Variants in SORCS2 observed in about 807,000 individuals in gnomAD.
SORCS2 encodes the protein VPS10 domain-containing receptor SorCS2.
Under a neutral mutation model 141.6 loss-of-function variants are expected in SORCS2, and 100 were observed. That is an observed-to-expected ratio of 0.71 (90% CI 0.60 to 0.83). SORCS2 has a LOEUF of 0.83. SORCS2 is among the 40% of genes least tolerant of loss of function. The probability of loss-of-function intolerance (pLI) is 0.00; values close to 1 mark genes in which losing one functional copy is unlikely to be tolerated. For synonymous variants in SORCS2, 789 were observed against 676.9 expected, an observed-to-expected ratio of 1.17 and a Z score of -2.57; for missense variants, 1,646 against 1,560.2, an observed-to-expected ratio of 1.05 and a Z score of -0.93.
chr4:7,637,823 A>G (rs56022132), intron 3 of SORCS2, among the ~76,000 whole-genome samples: 18,002 of 149,776 alleles, frequency 0.12, 1,362 homozygotes, highest in Middle Eastern at 0.22. Context: ...TGTAAGGAGA[A>G]GCCTGACCCA....
chr4:7,705,555 C>T (rs778129030), intron 14 of SORCS2, among the ~76,000 whole-genome samples: 1 of 152,244 alleles, frequency 6.6e-6, no homozygotes, highest in Non-Finnish European at 1.5e-5. Flanking sequence ...CAGGACCTGC[C>T]CTACCCATTT....
chr4:7,245,402 T>C (rs1222299243), intron 1 of SORCS2, among the ~76,000 whole-genome samples: 3 of 152,190 alleles, frequency 2.0e-5, no homozygotes, highest in South Asian at 4.1e-4. Context: ...TCAGGACTGA[T>C]ATGGAATTTT....
At chr4:7,709,842 G>A (rs1266481407) in intron 14 of SORCS2, among the ~76,000 whole-genome samples, 2 of 152,140 alleles carry the variant, frequency 1.3e-5, no homozygotes, top group Non-Finnish European at 2.9e-5. Flanking sequence ...AGCAGGGAGG[G>A]GTCCCCAGGC....
At chr4:7,296,836 C>T (rs887881863) in intron 1 of SORCS2, among the ~76,000 whole-genome samples, 3 of 152,174 alleles carry the variant, frequency 2.0e-5, no homozygotes, top group Admixed American at 6.5e-5. Context: ...TTCCCTCTAT[C>T]GCTCGGTAGT....
At chr4:7,336,988 G>C (rs951265364) in intron 1 of SORCS2, among the ~76,000 whole-genome samples, 1 of 152,182 alleles carries the variant, frequency 6.6e-6, no homozygotes, top group African/African-American at 2.4e-5. Context: ...GGTGAGGATT[G>C]ATTGAGCTGA....
intron 1 of SORCS2, among the ~76,000 whole-genome samples, chr4:7,319,171 G>T (rs543071674): frequency 5.0e-4 from 56 of 111,434 alleles, no homozygotes; most frequent in Admixed American, 3.3e-3. Context: ...GATTATAAAT[G>T]AGGTGTATTT....
chr4:7,483,912 A>G (rs553543953), intron 2 of SORCS2, among the ~76,000 whole-genome samples: 1 of 152,254 alleles, frequency 6.6e-6, no homozygotes, highest in Non-Finnish European at 1.5e-5. Context: ...CTTAAAGTGA[A>G]AAAACAAACA....
intron 3 of SORCS2, among the ~76,000 whole-genome samples, chr4:7,625,155 G>C (rs1168188509): frequency 6.6e-6 from 1 of 152,118 alleles, no homozygotes; most frequent in African/African-American, 2.4e-5. Context: ...CAATTGTCAG[G>C]CCAGTAATTA....
chr4:7,689,637 GAGTACCTCCAAT>G (rs749422156), intron 11 of SORCS2, 49 bp downstream of exon 11: 1 of 1,503,572 alleles, frequency 6.7e-7, no homozygotes, highest in African/African-American at 1.4e-5. Flanking sequence ...TACAGCCCAA[GAGTACCTCCAAT>G]CTTAAGGGTA....
At position 7,354,950 on chromosome 4, in the gene SORCS2, T is replaced by G. The variant is rs937066840; in HGVS notation, c.481-41338T>G. 2.0e-5 allele frequency among the ~76,000 whole-genome samples: 3 copies of G among 152,212 alleles called. 1 individual carries two copies. In the East Asian group the frequency reaches 5.8e-4, roughly 29 times the overall value. On this transcript the variant is annotated intron_variant, in intron 1 of 26. Transcript: ENST00000507866. ...GAATATTAGGTGGCTTTTATCAATA[T>G]TTTATTTATCCCAATCTCATCTTTT...
At chr4:7,385,096 CAG>C (rs1382946658) in intron 1 of SORCS2, among the ~76,000 whole-genome samples, 9 of 152,212 alleles carry the variant, frequency 5.9e-5, no homozygotes, top group Admixed American at 3.3e-4. Flanking sequence ...GGGTGGCACT[CAG>C]GGGTGTATGG....
At chr4:7,438,782 T>G (rs935090865) in intron 2 of SORCS2, among the ~76,000 whole-genome samples, 2 of 152,068 alleles carry the variant, frequency 1.3e-5, no homozygotes, top group African/African-American at 4.8e-5. Flanking sequence ...TGCTTCGAGG[T>G]TCTCACTACC....
At chr4:7,617,439 T>G (rs1718841448) in intron 3 of SORCS2, among the ~76,000 whole-genome samples, 1 of 152,200 alleles carries the variant, frequency 6.6e-6, no homozygotes, top group Non-Finnish European at 1.5e-5. Flanking sequence ...GCTCCTCATA[T>G]GCCTAGTTTC....
intron 2 of SORCS2, among the ~76,000 whole-genome samples, chr4:7,400,937 G>A (rs1377745369): frequency 6.6e-6 from 1 of 151,252 alleles, no homozygotes; most frequent in Non-Finnish European, 1.5e-5. Flanking sequence ...ATGGATGAAT[G>A]GATAGATAGA....
chr4:7,232,570 C>G (rs546311700), intron 1 of SORCS2, among the ~76,000 whole-genome samples: 2 of 152,206 alleles, frequency 1.3e-5, no homozygotes, highest in Non-Finnish European at 2.9e-5. Flanking sequence ...CCTCGTGGTC[C>G]GTGACCTTTA....
intron 3 of SORCS2, among the ~76,000 whole-genome samples, chr4:7,539,917 C>T (rs1712456577): frequency 6.7e-6 from 1 of 149,584 alleles, no homozygotes; most frequent in South Asian, 2.2e-4. Context: ...GTTGTGGAGG[C>T]CCCACCCCCT....
At position 7,374,381 on chromosome 4, in the gene SORCS2, G is replaced by A. The variant is rs117505034; in HGVS notation, c.481-21907G>A. ...AGAAGGGCAGTGCAAAGCTGAGCTCGTACCAGCCCGGGTCTGAAAGTGGCG... is the reference window on the plus strand; with the variant it reads ...AGAAGGGCAGTGCAAAGCTGAGCTCATACCAGCCCGGGTCTGAAAGTGGCG... On this transcript the variant is annotated intron_variant, in intron 1 of 26. Transcript: ENST00000507866. 7.4e-3 allele frequency among the ~76,000 whole-genome samples: 1,123 copies of A among 152,166 alleles called. 24 individuals are homozygous for A. The highest frequency in any genetic ancestry group is 0.071 in the South Asian group (344 of 4,814).
intron 3 of SORCS2, among the ~76,000 whole-genome samples, chr4:7,549,244 T>G (rs1713500601): frequency 1.3e-5 from 2 of 152,126 alleles, no homozygotes; most frequent in African/African-American, 4.8e-5. Flanking sequence ...ATTTTAGGAC[T>G]TCAAAAAAAT....
chr4:7,378,618 G>A (rs1387152033), intron 1 of SORCS2, among the ~76,000 whole-genome samples: 1 of 152,166 alleles, frequency 6.6e-6, no homozygotes, highest in East Asian at 1.9e-4. Context: ...TCCCGCCCTT[G>A]ACACGTGGAG....
Sources: allele counts gnomAD v4.1 joint callset (sites outside exome capture counted in the v4.1 genomes callset), GRCh38; gene constraint gnomAD v4.1.1; transcripts MANE v1.5; gene names NCBI Gene and HGNC (gene_info 2026-07-23, HGNC 2026-07-21).